TRANK1: variants seen among roughly 807,000 people sequenced by gnomAD.
The protein encoded by TRANK1 is TPR and ankyrin repeat-containing protein 1.
A neutral mutation model predicts 266.0 loss-of-function variants in TRANK1; 198 were observed. The observed-to-expected ratio is 0.74, with a 90% CI of 0.66 to 0.84. TRANK1 has a LOEUF of 0.84. Ranked by LOEUF, TRANK1 falls within the 40% of genes least tolerant of loss-of-function variation. The pLI is 0.00. For missense variants in TRANK1, 3,326 were observed against 3,634.6 expected (o/e 0.92, Z 2.18); for synonymous variants, 1,396 against 1,384.1 (o/e 1.01, Z -0.19).
At chr3:36,881,014 C>T (rs2079524164) in intron 8 of TRANK1, among the ~76,000 whole-genome samples, 1 of 151,334 alleles carries the variant, frequency 6.6e-6, no homozygotes. Context: ...GGGTCTGTGG[C>T]ATCTACAACC....
In TRANK1 at chr3:36,830,738, C is replaced by T. The variant is rs1575172370; in HGVS notation, c.8710+135G>A. 4 of 1,012,836 alleles carry T rather than the reference C, an allele frequency of 3.9e-6. No individual in the cohort carries two copies. In the East Asian group the frequency reaches 8.0e-5, roughly 20 times the overall value. The allele number at this position is 1,012,836 out of a possible 1,614,324, so 62.7% of individuals were successfully genotyped here. ...CGCTATAACTTGAGAATATATATTC[C>T]TCATTTGTATTTCTTCTAAGGCCAA... On this transcript the variant is annotated intron_variant, in intron 22 of 23. Coordinates refer to ENST00000645898, the MANE Select transcript of TRANK1 (RefSeq NM_001329998.2).
At chr3:36,938,129 A>G (rs1439888317) in intron 1 of TRANK1, among the ~76,000 whole-genome samples, 1 of 152,162 alleles carries the variant, frequency 6.6e-6, no homozygotes, top group Admixed American at 6.5e-5. Flanking sequence ...ACAATCTCCC[A>G]TGGACAAGGA....
chr3:36,866,110 AAGAAAG>A (rs1316629988), intron 9 of TRANK1, among the ~76,000 whole-genome samples: 3 of 147,716 alleles, frequency 2.0e-5, no homozygotes, highest in African/African-American at 5.1e-5. Context: ...GAAAGAAAGA[AAGAAAG>A]AGTCACCGAT....
At position 36,831,302 on chromosome 3, in the gene TRANK1, T is replaced by C; in HGVS notation, c.8281A>G (p.Lys2761Glu). ...CACTGGGTCCTGTCCACGTCTGCCT[T>C]TTTGAAGTTCCCAGCCCTGGGCTCC... ...AREPRAGNFK[K>E]ADVDRTQCDL... Residue 2761 changes from lysine to glutamate, a missense_variant, in exon 22 of 24, where the codon AAG (lysine) becomes GAG (glutamate). Lys to Glu is a moderately conservative substitution (Grantham distance 56, BLOSUM62 1). Coordinates refer to ENST00000645898, the MANE Select transcript of TRANK1 (RefSeq NM_001329998.2). This position sits in a 1 kb window ranked among gnomAD's most constrained non-coding sequence, Gnocchi z 5.0. 6.2e-7 allele frequency: 1 copy of C among 1,613,474 alleles called. No individual in the cohort carries two copies. Among genetic ancestry groups the C allele is most frequent in the Non-Finnish European group, 8.5e-7 (1 of 1,179,856 alleles).
At chr3:36,945,175 A>C, upstream of TRANK1, 4 of 256,888 alleles carry the variant, frequency 1.6e-5, no homozygotes, top group Non-Finnish European at 2.2e-5. Context: ...ATGCAAGCAA[A>C]TGGTATGGCT....
chr3:36,828,070 A>G lies in TRANK1; in HGVS notation c.*205T>C. ...GGGGAAACTAATACTGCCAGACTCT[A>G]CTTGGAAACACTTTAGAGGTGAGGG... On this transcript the variant is annotated 3_prime_UTR_variant, in exon 24 of 24. Coordinates refer to ENST00000645898, the MANE Select transcript of TRANK1 (RefSeq NM_001329998.2). The G allele has an allele frequency of 1.9e-6, 1 of 530,620 alleles. No homozygotes were observed. The highest frequency in any genetic ancestry group is 3.2e-5 in the East Asian group (1 of 31,644). 32.9% of individuals were successfully genotyped at this position (530,620 alleles called of 1,614,324 possible).
chr3:36,880,286 C>T, intron 8 of TRANK1: 1 of 374,400 alleles, frequency 2.7e-6, no homozygotes, highest in Non-Finnish European at 5.6e-6. Flanking sequence ...TCAAGTTGGC[C>T]CCATTTGAGT....
chr3:36,883,564 A>G (rs2079561487), intron 8 of TRANK1, among the ~76,000 whole-genome samples: 2 of 151,752 alleles, frequency 1.3e-5, no homozygotes, highest in African/African-American at 2.4e-5. Context: ...ATAAGAAAAT[A>G]GCATGTGTGT....
At chr3:36,841,565 G>A (rs2078844833) in intron 18 of TRANK1, among the ~76,000 whole-genome samples, 1 of 152,192 alleles carries the variant, frequency 6.6e-6, no homozygotes, top group South Asian at 2.1e-4. Flanking sequence ...ACTGCCAGAT[G>A]GGATTGCTCT....
Position 36,889,823 on chromosome 3 carries a change from A to G in TRANK1, c.907+6T>C. On this transcript the variant is annotated splice_donor_region_variant and intron_variant, in intron 8 of 23. Transcript: ENST00000645898. Reference sequence around the variant, plus strand: ...AGCGCACCCTCTGGGTAATGCCACTACTCACGCTTAACGAGGTATCCTGGG... The same window carrying G: ...AGCGCACCCTCTGGGTAATGCCACTGCTCACGCTTAACGAGGTATCCTGGG... The G allele has an allele frequency of 6.5e-7, 1 of 1,533,470 alleles. No homozygotes were observed. Among genetic ancestry groups the G allele is most frequent in the East Asian group, 2.4e-5 (1 of 40,854 alleles). The allele number at this position is 1,533,470 out of a possible 1,614,324, so 95.0% of individuals were successfully genotyped here. A position where few individuals can be genotyped will look rare whatever the true frequency, so the allele number is the denominator to read the frequency against.
chr3:36,898,436 T>C (rs1457321643), intron 4 of TRANK1, among the ~76,000 whole-genome samples: 1 of 145,548 alleles, frequency 6.9e-6, no homozygotes, highest in African/African-American at 2.6e-5. Flanking sequence ...GCAACAAGAC[T>C]GAAAATCCAT....
At chr3:36,871,823 T>C (rs1195991772) in intron 9 of TRANK1, among the ~76,000 whole-genome samples, 1 of 152,106 alleles carries the variant, frequency 6.6e-6, no homozygotes, top group African/African-American at 2.4e-5. Flanking sequence ...GCAGCTTCAA[T>C]CTCCCTCACA....
chr3:36,913,004 T>C (rs1185645570), intron 1 of TRANK1, among the ~76,000 whole-genome samples: 4 of 151,316 alleles, frequency 2.6e-5, no homozygotes, highest in African/African-American at 4.9e-5. Context: ...TAGATCCAAG[T>C]TGAAGCTAGA....
intron 1 of TRANK1, among the ~76,000 whole-genome samples, chr3:36,942,440 C>T (rs2080508411): frequency 7.4e-6 from 1 of 134,230 alleles, no homozygotes; most frequent in Non-Finnish European, 1.5e-5. Flanking sequence ...ACTATGAATC[C>T]AAGGCTGCAG....
At chr3:36,923,142 T>C (rs778616608) in intron 1 of TRANK1, among the ~76,000 whole-genome samples, 10 of 152,230 alleles carry the variant, frequency 6.6e-5, no homozygotes, top group African/African-American at 2.4e-4. Flanking sequence ...AGCAAGACTT[T>C]GTTTCCTGGC....
intron 1 of TRANK1, among the ~76,000 whole-genome samples, chr3:36,941,238 G>A (rs539488601): frequency 1.1e-4 from 17 of 152,214 alleles, no homozygotes; most frequent in African/African-American, 3.9e-4. Flanking sequence ...GTGCTAGGAG[G>A]ACCCAGTGCT....
At chr3:36,889,096 A>C (rs2079649543) in intron 8 of TRANK1, among the ~76,000 whole-genome samples, 1 of 152,222 alleles carries the variant, frequency 6.6e-6, no homozygotes, top group East Asian at 1.9e-4. Flanking sequence ...ATGACAGCCC[A>C]GCCTGGTTCC....
chr3:36,886,978 C>T (rs1430793122), intron 8 of TRANK1, among the ~76,000 whole-genome samples: 4 of 147,148 alleles, frequency 2.7e-5, no homozygotes, highest in Non-Finnish European at 4.4e-5. Flanking sequence ...GCAATCTCAG[C>T]TCACTGGAAG....
chr3:36,849,923 G>T, intron 15 of TRANK1: 1 of 594,670 alleles, frequency 1.7e-6, no homozygotes, highest in Non-Finnish European at 2.1e-6. Flanking sequence ...GATTCTGTTT[G>T]GGATTGTTTT....
Sources: gnomAD v4.1 joint callset for allele counts (sites outside exome capture counted in the v4.1 genomes callset) on GRCh38, gnomAD v4.1.1 for gene constraint, Gnocchi (gnomAD v3.1) non-coding constraint, MANE v1.5 for transcripts, NCBI Gene and HGNC (gene_info 2026-07-23, HGNC 2026-07-21) for gene names.